SLAMF6: variants seen among roughly 807,000 people sequenced by gnomAD.
SLAMF6 encodes the protein NK-T-B-antigen.
In SLAMF6, 21 loss-of-function variants were observed where a neutral mutation model predicts 38.3. That is an observed-to-expected ratio of 0.55 (90% CI 0.39 to 0.79). The LOEUF is 0.79. Among genes scored for constraint, SLAMF6 ranks in the 30% least tolerant of loss-of-function variants. SLAMF6 has a pLI of 0.00. For synonymous variants in SLAMF6, 152 were observed against 146.3 expected, an observed-to-expected ratio of 1.04 and a Z score of -0.28; for missense variants, 341 against 385.3, an observed-to-expected ratio of 0.89 and a Z score of 0.96.
intron 1 of SLAMF6, among the ~76,000 whole-genome samples, chr1:160,498,415 C>A (rs1653709663): frequency 6.6e-6 from 1 of 152,128 alleles, no homozygotes; most frequent in Admixed American, 6.6e-5. Context: ...ACTCACAGTT[C>A]CCCATGGCTG....
chr1:160,486,602 A>G lies in SLAMF6; in HGVS notation c.*105T>C. 1.6e-6 allele frequency: 2 copies of G among 1,233,872 alleles called. No individual in the cohort carries two copies. Among genetic ancestry groups the G allele is most frequent in the African/African-American group, 3.0e-5 (2 of 66,864 alleles). The allele number at this position is 1,233,872 out of a possible 1,614,324, so 76.4% of individuals were successfully genotyped here. A position where few individuals can be genotyped will look rare whatever the true frequency, so the allele number is the denominator to read the frequency against. Reference sequence around the variant, plus strand: ...TGATCATCCTATCCTAGATATTCAAATTCTGTTGCCAGGAACAACAGGAAC... The same window carrying G: ...TGATCATCCTATCCTAGATATTCAAGTTCTGTTGCCAGGAACAACAGGAAC... On this transcript the variant is annotated 3_prime_UTR_variant, in exon 8 of 8. Coordinates refer to ENST00000368057, the MANE Select transcript of SLAMF6 (RefSeq NM_001184714.2).
intron 1 of SLAMF6, among the ~76,000 whole-genome samples, chr1:160,498,412 G>A (rs1477657421): frequency 2.0e-5 from 3 of 152,152 alleles, no homozygotes; most frequent in African/African-American, 4.8e-5. Flanking sequence ...TTGACTCACA[G>A]TTCCCCATGG....
chr1:160,506,641 T>A (rs922154453), intron 1 of SLAMF6, among the ~76,000 whole-genome samples: 1 of 152,156 alleles, frequency 6.6e-6, no homozygotes, highest in Non-Finnish European at 1.5e-5. Flanking sequence ...TATTCTTGCA[T>A]TTTTGCTTTG....
At chr1:160,501,182 C>T (rs532182944) in intron 1 of SLAMF6, among the ~76,000 whole-genome samples, 1 of 152,220 alleles carries the variant, frequency 6.6e-6, no homozygotes, top group South Asian at 2.1e-4. Context: ...GGAACCATGG[C>T]ATATTTATTA....
At chr1:160,510,564 A>C (rs1212879459) in intron 1 of SLAMF6, among the ~76,000 whole-genome samples, 2 of 152,218 alleles carry the variant, frequency 1.3e-5, no homozygotes, top group Non-Finnish European at 2.9e-5. Context: ...ACACTTTAGA[A>C]TCTAGAAATA....
At chr1:160,517,205 A>G (rs1654784511) in intron 1 of SLAMF6, among the ~76,000 whole-genome samples, 1 of 152,244 alleles carries the variant, frequency 6.6e-6, no homozygotes, top group African/African-American at 2.4e-5. Flanking sequence ...AGCAAAGGAC[A>G]TTAACAGACA....
chr1:160,523,083 A>G, intron 1 of SLAMF6, 61 bp downstream of exon 1: 2 of 1,575,848 alleles, frequency 1.3e-6, no homozygotes, highest in Non-Finnish European at 1.7e-6. Context: ...ATTTAGGTTG[A>G]GCAAGCTGCA....
chr1:160,491,398 G>C lies in SLAMF6; in HGVS notation c.383-10C>G, dbSNP rs76971423. 2.0e-6 allele frequency: 3 copies of C among 1,464,294 alleles called. No homozygotes were observed. Among genetic ancestry groups the C allele is most frequent in the Admixed American group, 2.0e-5 (1 of 49,342 alleles). The allele number at this position is 1,464,294 out of a possible 1,614,324, so 90.7% of individuals were successfully genotyped here. On this transcript the variant is annotated splice_polypyrimidine_tract_variant and intron_variant, in intron 2 of 7. Coordinates refer to ENST00000368057, the MANE Select transcript of SLAMF6 (RefSeq NM_001184714.2). Reference sequence around the variant, plus strand: ...ATGTTCCTCAGTTGTCCTGTTTGCAGAAAAAAAAAAGATCCAGATTAAGGA... The same window carrying C: ...ATGTTCCTCAGTTGTCCTGTTTGCACAAAAAAAAAAGATCCAGATTAAGGA...
chr1:160,503,116 G>T (rs1192821293), intron 1 of SLAMF6, among the ~76,000 whole-genome samples: 1 of 152,156 alleles, frequency 6.6e-6, no homozygotes, highest in African/African-American at 2.4e-5. Context: ...AGACTGAAAA[G>T]AATAAGGTTA....
intron 1 of SLAMF6, among the ~76,000 whole-genome samples, chr1:160,500,293 C>A (rs983809045): frequency 6.6e-6 from 1 of 152,164 alleles, no homozygotes; most frequent in Non-Finnish European, 1.5e-5. Context: ...CTATAAGGAC[C>A]AAAATGATCT....
In SLAMF6 at chr1:160,493,877, A is replaced by G. The variant is rs146357150; in HGVS notation, c.382+2184T>C. Among the ~76,000 whole-genome samples the G allele has an allele frequency of 1.7e-3, 256 of 152,242 alleles. 1 individual carries two copies. Among genetic ancestry groups the G allele is most frequent in the Admixed American group, 5.2e-3 (80 of 15,270 alleles). ...AGGAGAGAGAGAGAAAGGGCAAGGA[A>G]GTGCCACGCTTAATACCATCAGCTT... On this transcript the variant is annotated intron_variant, in intron 2 of 7. Coordinates refer to ENST00000368057, the MANE Select transcript of SLAMF6 (RefSeq NM_001184714.2).
At chr1:160,507,059 G>A (rs1287730046) in intron 1 of SLAMF6, among the ~76,000 whole-genome samples, 1 of 152,096 alleles carries the variant, frequency 6.6e-6, no homozygotes, top group East Asian at 1.9e-4. Context: ...TACTTTAAAT[G>A]TAAATGAATT....
At chr1:160,500,872 C>T (rs1205006350) in intron 1 of SLAMF6, among the ~76,000 whole-genome samples, 2 of 152,116 alleles carry the variant, frequency 1.3e-5, no homozygotes, top group African/African-American at 4.8e-5. Context: ...TAAGGACTCA[C>T]CAGGAGCTGT....
intron 1 of SLAMF6, among the ~76,000 whole-genome samples, chr1:160,519,865 T>A (rs937188494): frequency 3.3e-5 from 5 of 152,070 alleles, no homozygotes; most frequent in Admixed American, 6.6e-5. Flanking sequence ...TGTTTTAGAA[T>A]AATAGAAGTG....
At chr1:160,504,896 C>G (rs765671774) in intron 1 of SLAMF6, among the ~76,000 whole-genome samples, 2 of 152,126 alleles carry the variant, frequency 1.3e-5, no homozygotes, top group South Asian at 2.1e-4. Context: ...TGAGAAGACT[C>G]TAAGATTTTA....
intron 7 of SLAMF6, 46 bp downstream of exon 7, chr1:160,487,058 T>G (rs1282220055): frequency 6.8e-7 from 1 of 1,474,950 alleles, no homozygotes; most frequent in African/African-American, 1.4e-5. Context: ...CATAGGTCTG[T>G]GGAGAGAGGT....
chr1:160,496,429 C>T, intron 1 of SLAMF6, 36 bp from the exon 2 acceptor site: 1 of 1,594,126 alleles, frequency 6.3e-7, no homozygotes, highest in Non-Finnish European at 8.6e-7. Context: ...AAAAATGTTC[C>T]TGACCATCTC....
intron 2 of SLAMF6, among the ~76,000 whole-genome samples, chr1:160,492,687 T>G (rs181038637): frequency 6.6e-6 from 1 of 152,280 alleles, no homozygotes; most frequent in East Asian, 1.9e-4. Context: ...CTTGGTATAG[T>G]CTAAAGGACT....
At chr1:160,504,862 C>T (rs1478755572) in intron 1 of SLAMF6, among the ~76,000 whole-genome samples, 1 of 152,126 alleles carries the variant, frequency 6.6e-6, no homozygotes, top group African/African-American at 2.4e-5. Context: ...ATGCCTAGGG[C>T]AGGGTGCATA....
Sources: gnomAD v4.1 joint callset for allele counts (sites outside exome capture counted in the v4.1 genomes callset) on GRCh38, gnomAD v4.1.1 for gene constraint, MANE v1.5 for transcripts, NCBI Gene and HGNC (gene_info 2026-07-23, HGNC 2026-07-21) for gene names.